Variants in CELF4 observed in about 807,000 individuals in gnomAD.
CELF4 encodes the protein CUG-BP- and ETR-3-like factor 4.
In CELF4, 18 loss-of-function variants were observed where a neutral mutation model predicts 59.9. The ratio of observed to expected loss-of-function variants is 0.30; its 90% CI spans 0.21 to 0.45. The LOEUF (loss-of-function observed/expected upper bound fraction) is 0.45, where lower values mean the gene tolerates loss of function less well. Among genes scored for constraint, CELF4 ranks in the 20% least tolerant of loss-of-function variants. CELF4 has a pLI of 1.00. For missense variants in CELF4, 456 were observed against 689.0 expected (o/e 0.66, Z 3.79); for synonymous variants, 261 against 267.1 (o/e 0.98, Z 0.22).
At chr18:37,534,352 C>T (rs2099971837) in intron 1 of CELF4, among the ~76,000 whole-genome samples, 1 of 152,142 alleles carries the variant, frequency 6.6e-6, no homozygotes, top group South Asian at 2.1e-4. Flanking sequence ...GGGGCTCTCC[C>T]TCTTCCTCTG....
intron 3 of CELF4, among the ~76,000 whole-genome samples, chr18:37,309,336 C>T (rs1336196464): frequency 1.3e-5 from 2 of 152,204 alleles, no homozygotes; most frequent in African/African-American, 4.8e-5. Flanking sequence ...ATTTTCCCCT[C>T]CATAAAATGG....
In CELF4 at chr18:37,539,778, C is replaced by T. The variant is rs533192269; in HGVS notation, c.286+25578G>A. Among the ~76,000 whole-genome samples the T allele has an allele frequency of 1.7e-4, 26 of 152,118 alleles. No homozygotes were observed. In the South Asian group the frequency reaches 3.5e-3, roughly 21 times the overall value. ...GCATGTGGCTAGTAAAACTGAAAAA[C>T]GGATTTTTAAATTACATTGGAATAA... On this transcript the variant is annotated intron_variant, in intron 1 of 12. Transcript: ENST00000420428.
At chr18:37,392,384 T>C (rs975946211) in intron 2 of CELF4, among the ~76,000 whole-genome samples, 4 of 152,194 alleles carry the variant, frequency 2.6e-5, no homozygotes, top group African/African-American at 7.2e-5. Flanking sequence ...GAACCCTCCA[T>C]GTTTAGGTGC....
At position 37,457,064 on chromosome 18, in the gene CELF4, G is replaced by A. The variant is rs145058334; in HGVS notation, c.369+28461C>T. Among the ~76,000 whole-genome samples, 1,280 of 152,302 alleles carry A rather than the reference G, an allele frequency of 8.4e-3. 11 individuals are homozygous for A. The highest frequency in any genetic ancestry group is 0.012 in the Non-Finnish European group (802 of 68,030). On this transcript the variant is annotated intron_variant, in intron 2 of 12. Transcript: ENST00000420428. ...AGGCTTCTGAGACCTGCCCCCATCT[G>A]GAAGGTTCAGTGGAAGTAGGAGGTG...
intron 1 of CELF4, among the ~76,000 whole-genome samples, chr18:37,546,070 C>T (rs539749630): frequency 3.9e-4 from 60 of 152,316 alleles, no homozygotes; most frequent in African/African-American, 1.1e-3. Flanking sequence ...AAGACACCCA[C>T]GCTCACACAC....
At chr18:37,456,595 C>T (rs1439023470) in intron 2 of CELF4, among the ~76,000 whole-genome samples, 1 of 152,278 alleles carries the variant, frequency 6.6e-6, no homozygotes, top group East Asian at 1.9e-4. Context: ...AAGGCTTCTG[C>T]TGCCATCTTC....
chr18:37,491,741 C>T (rs190538671), intron 1 of CELF4, among the ~76,000 whole-genome samples: 5 of 152,202 alleles, frequency 3.3e-5, no homozygotes, highest in African/African-American at 7.2e-5. Context: ...CTAGGGTGCA[C>T]GCAGGGGTGG....
At chr18:37,497,651 C>CAAA (rs58015103) in intron 1 of CELF4, among the ~76,000 whole-genome samples, 3 of 118,292 alleles carry the variant, frequency 2.5e-5, no homozygotes, top group Admixed American at 8.7e-5. Context: ...GACTCTGTCT[C>CAAA]AAAAAAAAAA....
chr18:37,467,753 G>A (rs1322902873), intron 2 of CELF4, among the ~76,000 whole-genome samples: 3 of 152,184 alleles, frequency 2.0e-5, no homozygotes, highest in Non-Finnish European at 4.4e-5. Context: ...AACTGCTCTG[G>A]AAATCAGAAA....
At chr18:37,543,633 C>G (rs1235802220) in intron 1 of CELF4, among the ~76,000 whole-genome samples, 4 of 152,182 alleles carry the variant, frequency 2.6e-5, no homozygotes, top group African/African-American at 9.7e-5. Flanking sequence ...AGCAGCCGGA[C>G]CTAAGCACAA....
chr18:37,560,821 A>G (rs1259202121), intron 1 of CELF4, among the ~76,000 whole-genome samples: 1 of 152,194 alleles, frequency 6.6e-6, no homozygotes, highest in Non-Finnish European at 1.5e-5. Context: ...AACCCCACAA[A>G]ACAACGAACC....
chr18:37,347,756 C>T (rs988835124), intron 2 of CELF4, among the ~76,000 whole-genome samples: 2 of 152,138 alleles, frequency 1.3e-5, no homozygotes, highest in Admixed American at 6.5e-5. Context: ...GGGCAAGTCC[C>T]ACACCACACA....
intron 2 of CELF4, among the ~76,000 whole-genome samples, chr18:37,363,926 C>T (rs984529030): frequency 1.1e-4 from 16 of 152,178 alleles, no homozygotes; most frequent in East Asian, 3.9e-4. Flanking sequence ...TGCAGTGAGG[C>T]GGCTAGTGGT....
chr18:37,412,843 C>T (rs916903262), intron 2 of CELF4, among the ~76,000 whole-genome samples: 4 of 151,024 alleles, frequency 2.6e-5, no homozygotes, highest in Admixed American at 6.6e-5. Flanking sequence ...CTGGACTGAG[C>T]GGCTGCCACT....
chr18:37,514,191 C>G (rs1184383463), intron 1 of CELF4, among the ~76,000 whole-genome samples: 1 of 152,156 alleles, frequency 6.6e-6, no homozygotes, highest in African/African-American at 2.4e-5. Flanking sequence ...CTCTGATCCT[C>G]TCTGGCCCTG....
rs553909029 is a variant in CELF4 at position 37,286,798 on chromosome 18, C to T, written c.449-11555G>A. ...TGAACACTGTGCCGAGAACCTCTAG[C>T]GACCCTGGGTTGGGAGTGGGTCTTC... On this transcript the variant is annotated intron_variant, in intron 3 of 12. Coordinates refer to ENST00000420428, the MANE Select transcript of CELF4 (RefSeq NM_020180.4). Among the ~76,000 whole-genome samples the T allele has an allele frequency of 1.3e-3, 203 of 152,210 alleles. 1 individual carries two copies. Among genetic ancestry groups the T allele is most frequent in the Non-Finnish European group, 2.3e-3 (158 of 67,996 alleles).
intron 1 of CELF4, among the ~76,000 whole-genome samples, chr18:37,549,056 C>T (rs1038447438): frequency 3.3e-5 from 5 of 152,320 alleles, no homozygotes; most frequent in East Asian, 1.9e-4. Context: ...ACTGGTGAAG[C>T]GGGGCCAGTC....
chr18:37,275,291 G>C (rs746123688), intron 3 of CELF4, 48 bp from the exon 4 acceptor site: 80 of 1,609,310 alleles, frequency 5.0e-5, no homozygotes, highest in Non-Finnish European at 6.5e-5. Flanking sequence ...ACCGGGCTGC[G>C]CGGGAGCAGG....
intron 3 of CELF4, among the ~76,000 whole-genome samples, chr18:37,287,273 C>G (rs1175840151): frequency 6.6e-6 from 1 of 152,244 alleles, no homozygotes; most frequent in Non-Finnish European, 1.5e-5. Context: ...GGCTGCTCGT[C>G]TCTCCTCAGG....
Sources: allele counts gnomAD v4.1 joint callset (sites outside exome capture counted in the v4.1 genomes callset), GRCh38; gene constraint gnomAD v4.1.1; transcripts MANE v1.5; gene names NCBI Gene and HGNC (gene_info 2026-07-23, HGNC 2026-07-21).